The following TJP2 variants were observed in gnomAD, a reference collection of about 807,000 sequenced individuals.
The protein encoded by TJP2 is Friedreich ataxia region gene X104 (tight junction protein ZO-2).
Under a neutral mutation model 133.1 loss-of-function variants are expected in TJP2, and 91 were observed. That is an observed-to-expected ratio of 0.68 (90% CI 0.58 to 0.81). The LOEUF (loss-of-function observed/expected upper bound fraction) is 0.81, where lower values mean the gene tolerates loss of function less well. TJP2 is among the 40% of genes least tolerant of loss of function. The pLI is 0.00. For synonymous variants in TJP2, 592 were observed against 583.4 expected, an observed-to-expected ratio of 1.01 and a Z score of -0.21; for missense variants, 1,541 against 1,565.6, an observed-to-expected ratio of 0.98 and a Z score of 0.26.
chr9:69,249,770 T>C (rs1249356842), intron 20 of TJP2: 37 of 983,012 alleles, frequency 3.8e-5, no homozygotes, highest in Non-Finnish European at 4.2e-5. Flanking sequence ...AGAAAAAGAT[T>C]GAAAAATACT....
intron 1 of TJP2, chr9:69,145,912 G>C (rs1450434721): frequency 1.5e-6 from 1 of 663,108 alleles, no homozygotes; most frequent in Non-Finnish European, 2.1e-6. Flanking sequence ...CCTCTGTCTT[G>C]TGGGGATAAT....
chr9:69,172,257 A>G (rs1157222469), upstream of TJP2, among the ~76,000 whole-genome samples: 2 of 152,254 alleles, frequency 1.3e-5, no homozygotes, highest in South Asian at 2.1e-4. Context: ...GTTTCTAACA[A>G]CCATTTACTG....
At chr9:69,196,171 G>A (rs187723642) in intron 1 of TJP2, among the ~76,000 whole-genome samples, 85 of 152,278 alleles carry the variant, frequency 5.6e-4, no homozygotes, top group Non-Finnish European at 2.1e-4. Context: ...TCACTAGTAG[G>A]TTTTGGAAGG....
chr9:69,221,292 G>A lies in TJP2; in HGVS notation c.748G>A (p.Glu250Lys), dbSNP rs144127005. The A allele has an allele frequency of 5.6e-6, 9 of 1,607,066 alleles. No individual in the cohort carries two copies. In the African/African-American group the frequency reaches 8.0e-5, roughly 14 times the overall value. Reference protein sequence around the residue: ...SRGRSIDQDYERAYHRAYDPD... With the variant: ...SRGRSIDQDYKRAYHRAYDPD... ...CGGCCGGAGCATTGACCAGGACTAC[G>A]AGCGAGCCTATCACCGGGCCTACGA... The change falls in exon 5 of 23, where the codon GAG (glutamate) becomes AAG (lysine). Residue 250 changes from glutamate to lysine, a missense_variant. Glu to Lys is a moderately conservative substitution (Grantham distance 56). Transcript: ENST00000377245.
chr9:69,222,465 C>T (rs767155421), intron 5 of TJP2, among the ~76,000 whole-genome samples: 2 of 152,120 alleles, frequency 1.3e-5, no homozygotes, highest in Admixed American at 6.6e-5. Context: ...CGCATCTGGC[C>T]GAGCTATCTC....
chr9:69,248,909 T>C (rs1831122082), intron 19 of TJP2: 1 of 991,444 alleles, frequency 1.0e-6, no homozygotes, highest in Non-Finnish European at 1.2e-6. Context: ...TGCTGTGGAT[T>C]TCTCTCTAGC....
At chr9:69,203,318 T>G (rs146952616) in intron 1 of TJP2, among the ~76,000 whole-genome samples, 1 of 151,078 alleles carries the variant, frequency 6.6e-6, no homozygotes, top group Non-Finnish European at 1.5e-5. Context: ...TAATAAATAA[T>G]TTATTATTAT....
chr9:69,181,964 T>C (rs1825544723), intron 1 of TJP2, among the ~76,000 whole-genome samples: 1 of 152,182 alleles, frequency 6.6e-6, no homozygotes. Context: ...TTGAGAATCC[T>C]TCTTCCTCTT....
intron 1 of TJP2, among the ~76,000 whole-genome samples, chr9:69,131,025 G>A (rs1822472964): frequency 6.6e-6 from 1 of 152,178 alleles, no homozygotes; most frequent in South Asian, 2.1e-4. Flanking sequence ...TGGCCACAGA[G>A]TCACATGTGG....
At position 69,222,995 on chromosome 9, in the gene TJP2, A is replaced by G. The variant is rs138450591; in HGVS notation, c.952+1499A>G. 8.1e-3 allele frequency among the ~76,000 whole-genome samples: 1,158 copies of G among 142,596 alleles called. 8 individuals are homozygous for G. Among genetic ancestry groups the G allele is most frequent in the African/African-American group, 0.029 (1,100 of 37,918 alleles). The allele number at this position is 142,596 out of a possible 152,430, so 93.5% of individuals were successfully genotyped here. A position where few individuals can be genotyped will look rare whatever the true frequency, so the allele number is the denominator to read the frequency against. On this transcript the variant is annotated intron_variant, in intron 5 of 22. Coordinates refer to ENST00000377245, the MANE Select transcript of TJP2 (RefSeq NM_004817.4). Reference sequence around the variant, plus strand: ...GAGGCAGGAGAATAGCTTGAACCCCAAGGGGCAGAGGTTGCAGTAGCAGAG... The same window carrying G: ...GAGGCAGGAGAATAGCTTGAACCCCGAGGGGCAGAGGTTGCAGTAGCAGAG...
Position 69,230,072 on chromosome 9 carries a change from C to G in TJP2, c.1521-10C>G. The G allele has an allele frequency of 6.2e-7, 1 of 1,614,076 alleles. No individual in the cohort carries two copies. Among genetic ancestry groups the G allele is most frequent in the Non-Finnish European group, 8.5e-7 (1 of 1,179,966 alleles). The stretch of plus-strand genomic sequence containing the variant: ...CCCATCTTTCCTTTCTGAAACGGAA[C>G]CTATTGCAGCCCTAATACCAAAATG... On this transcript the variant is annotated splice_polypyrimidine_tract_variant and intron_variant, in intron 10 of 22. Transcript: ENST00000377245.
intron 5 of TJP2, among the ~76,000 whole-genome samples, chr9:69,223,456 C>T (rs1829074362): frequency 6.6e-6 from 1 of 152,088 alleles, no homozygotes; most frequent in Non-Finnish European, 1.5e-5. Context: ...TGTAGGCGCC[C>T]GCCACCACAC....
intron 1 of TJP2, among the ~76,000 whole-genome samples, chr9:69,190,988 T>C (rs902341326): frequency 5.3e-5 from 8 of 152,202 alleles, no homozygotes; most frequent in Admixed American, 3.3e-4. Flanking sequence ...GGGTGTTGGC[T>C]TGATTTGTCT....
chr9:69,189,882 C>T lies in TJP2; in HGVS notation c.60+15450C>T, dbSNP rs781065965. On this transcript the variant is annotated intron_variant, in intron 1 of 22. Transcript: ENST00000377245. ...CAGCACTTTGGGAGGCCGAGGTGGACGGATCATGAGGTCAGGAGATCGAGA... is the reference window on the plus strand; with the variant it reads ...CAGCACTTTGGGAGGCCGAGGTGGATGGATCATGAGGTCAGGAGATCGAGA... Among the ~76,000 whole-genome samples the T allele has an allele frequency of 1.4e-4, 15 of 109,892 alleles. 3 individuals carry two copies. Among genetic ancestry groups the T allele is most frequent in the African/African-American group, 2.0e-4 (6 of 29,336 alleles). The allele number at this position is 109,892 out of a possible 152,430, so 72.1% of individuals were successfully genotyped here.
intron 16 of TJP2, among the ~76,000 whole-genome samples, chr9:69,239,044 C>T (rs573076570): frequency 6.6e-6 from 1 of 151,984 alleles, no homozygotes; most frequent in Admixed American, 6.5e-5. Flanking sequence ...AAAAAATTAG[C>T]CGGGCACAGT....
At chr9:69,229,365 C>A in intron 10 of TJP2, 115 bp downstream of exon 10, 1 of 955,686 alleles carries the variant, frequency 1.0e-6, no homozygotes, top group South Asian at 1.3e-5. Context: ...CACTGTCAGC[C>A]ACCTGTAACC....
chr9:69,131,265 C>T (rs1214261824), intron 1 of TJP2, among the ~76,000 whole-genome samples: 1 of 152,184 alleles, frequency 6.6e-6, no homozygotes, highest in African/African-American at 2.4e-5. Context: ...TTTAGGCATG[C>T]AGTCATCTTA....
Position 69,163,030 on chromosome 9 carries a change from ATTT to A in TJP2, c.-10+11270_-10+11272del, listed in dbSNP as rs1169586128. On this transcript the variant is annotated intron_variant, in intron 2 of 5. Coordinates refer to the TJP2 transcript ENST00000423935. ...TTAAAAAGTATCTTTATTTTATTTT[ATTT>A]TTTTTTTTTTGAGACGGAGTCTCGC... Among the ~76,000 whole-genome samples the A allele has an allele frequency of 5.0e-5, 4 of 79,788 alleles. 2 individuals carry two copies. Among genetic ancestry groups the A allele is most frequent in the Non-Finnish European group, 9.5e-5 (4 of 42,114 alleles). 52.3% of individuals were successfully genotyped at this position (79,788 alleles called of 152,430 possible).
chr9:69,249,635 C>A, intron 20 of TJP2, 150 bp downstream of exon 20: 1 of 1,513,794 alleles, frequency 6.6e-7, no homozygotes, highest in Non-Finnish European at 8.8e-7. Context: ...ATCTTTTGGC[C>A]TGTTGGGTGA....
Sources: allele counts gnomAD v4.1 joint callset (sites outside exome capture counted in the v4.1 genomes callset), GRCh38; gene constraint gnomAD v4.1.1; transcripts MANE v1.5; gene names NCBI Gene and HGNC (gene_info 2026-07-23, HGNC 2026-07-21).